STK32B: variants seen among roughly 807,000 people sequenced by gnomAD.
STK32B encodes the protein serine/threonine kinase 32B, also known as serine/threonine-protein kinase 32B.
In STK32B, 43 loss-of-function variants were observed where a neutral mutation model predicts 52.6. The observed-to-expected ratio is 0.82, with a 90% CI of 0.64 to 1.05. STK32B has a LOEUF of 1.05. Ranked by LOEUF, STK32B falls within the 50% of genes least tolerant of loss-of-function variation. The pLI, the probability that STK32B is intolerant of heterozygous loss-of-function variation, is 0.00. For synonymous variants in STK32B, 238 were observed against 204.3 expected, an observed-to-expected ratio of 1.17 and a Z score of -1.41; for missense variants, 621 against 534.6, an observed-to-expected ratio of 1.16 and a Z score of -1.59.
intron 3 of STK32B, among the ~76,000 whole-genome samples, chr4:5,251,423 A>C (rs1725919405): frequency 6.6e-6 from 1 of 151,980 alleles, no homozygotes; most frequent in Non-Finnish European, 1.5e-5. Flanking sequence ...TGGGCTCTGT[A>C]TTCTGTTCCA....
chr4:5,083,015 C>A (rs10025101), intron 1 of STK32B, among the ~76,000 whole-genome samples: 5,980 of 152,156 alleles, frequency 0.039, 383 homozygotes, highest in African/African-American at 0.14. Context: ...CTTTATTTTA[C>A]CTAGTTTTTG....
chr4:5,125,126 C>T (rs773687079), intron 1 of STK32B, among the ~76,000 whole-genome samples: 36 of 152,160 alleles, frequency 2.4e-4, no homozygotes, highest in Non-Finnish European at 4.3e-4. Flanking sequence ...CTGCAGGGAA[C>T]GGAATCCTGC....
chr4:5,051,959 C>T, intron 1 of STK32B, 44 bp downstream of exon 1: 1 of 1,556,074 alleles, frequency 6.4e-7, no homozygotes, highest in Non-Finnish European at 8.7e-7. Context: ...CGGGGCATCC[C>T]CTTCCTCCAC....
intron 4 of STK32B, among the ~76,000 whole-genome samples, chr4:5,364,786 C>T (rs1018078992): frequency 6.6e-6 from 1 of 152,174 alleles, no homozygotes; most frequent in African/African-American, 2.4e-5. Context: ...ACACATATAC[C>T]TTCAGGCCTC....
At chr4:5,309,777 T>C (rs1353887680) in intron 3 of STK32B, among the ~76,000 whole-genome samples, 2 of 152,206 alleles carry the variant, frequency 1.3e-5, no homozygotes, top group East Asian at 3.8e-4. Flanking sequence ...CTGTGAAACT[T>C]CTGGAAGAAA....
In STK32B at chr4:5,228,844, G is replaced by A. The variant is rs539777813; in HGVS notation, c.260+60394G>A. On this transcript the variant is annotated intron_variant, in intron 3 of 11. Transcript: ENST00000282908. ...TAGATGGGCATGGTGGTGGGTGCCT[G>A]TAATCCCAGCTACTCGGAAGCCTGA... 3.9e-5 allele frequency among the ~76,000 whole-genome samples: 6 copies of A among 152,234 alleles called. No homozygotes were observed. The South Asian group carries it at 1.0e-3, about 26-fold the overall frequency.
intron 11 of STK32B, among the ~76,000 whole-genome samples, chr4:5,487,915 T>G (rs1168005141): frequency 6.6e-6 from 1 of 152,202 alleles, no homozygotes; most frequent in Non-Finnish European, 1.5e-5. Flanking sequence ...CCTTAAAATT[T>G]ATCTAGTTTC....
intron 1 of STK32B, among the ~76,000 whole-genome samples, chr4:5,091,833 A>G (rs184854270): frequency 6.6e-6 from 1 of 152,348 alleles, no homozygotes; most frequent in Non-Finnish European, 1.5e-5. Flanking sequence ...GATAAACATA[A>G]TGTGGTGTAT....
intron 1 of STK32B, among the ~76,000 whole-genome samples, chr4:5,057,787 T>C (rs916292584): frequency 2.0e-5 from 3 of 152,168 alleles, no homozygotes; most frequent in Non-Finnish European, 4.4e-5. Flanking sequence ...TTATCTAAAA[T>C]CTGGACTTTG....
In STK32B at chr4:5,394,896, T is replaced by G. The variant is rs1381344542; in HGVS notation, c.435-3311T>G. On this transcript the variant is annotated intron_variant, in intron 4 of 11. Coordinates refer to ENST00000282908, the MANE Select transcript of STK32B (RefSeq NM_018401.3). This position sits in a 1 kb window ranked among gnomAD's most constrained non-coding sequence, Gnocchi z 4.2. The stretch of plus-strand genomic sequence containing the variant: ...ACAACTTAAAATAACTCACATTTAT[T>G]TTCCCTCCATTTCCGTGGCCCAGGA... 6.6e-6 allele frequency among the ~76,000 whole-genome samples: 1 copy of G among 152,218 alleles called. No individual in the cohort carries two copies. The highest frequency in any genetic ancestry group is 2.4e-5 in the African/African-American group (1 of 41,456).
chr4:5,068,899 T>C (rs939358047), intron 1 of STK32B, among the ~76,000 whole-genome samples: 1 of 152,228 alleles, frequency 6.6e-6, no homozygotes, highest in Non-Finnish European at 1.5e-5. Context: ...TAGTTACCTT[T>C]TGTGTGTGCA....
the STK32B span, among the ~76,000 whole-genome samples, chr4:5,028,234 A>C: frequency 1.3e-5 from 2 of 152,164 alleles, no homozygotes; most frequent in Non-Finnish European, 2.9e-5. Context: ...CATGGGCTTA[A>C]GTCATCCTCT....
intron 3 of STK32B, among the ~76,000 whole-genome samples, chr4:5,211,391 T>C (rs1210279695): frequency 6.6e-6 from 1 of 150,442 alleles, no homozygotes; most frequent in African/African-American, 2.5e-5. Flanking sequence ...TTCCTGGCAG[T>C]ACAGCTACCA....
rs953153659 is a variant in STK32B at position 5,121,178 on chromosome 4, T to C, written c.53-18727T>C. 4.6e-5 allele frequency among the ~76,000 whole-genome samples: 7 copies of C among 152,218 alleles called. 1 individual carries two copies. The highest frequency in any genetic ancestry group is 2.0e-4 in the Admixed American group (3 of 15,286). On this transcript the variant is annotated intron_variant, in intron 1 of 11. Transcript: ENST00000282908. The stretch of plus-strand genomic sequence containing the variant: ...CATTTATAGGTGAGAACAAATGATA[T>C]TTGGTTTTCCATTCTTGAATTACTT...
At chr4:5,159,158 C>T (rs1257475863) in intron 2 of STK32B, among the ~76,000 whole-genome samples, 3 of 152,174 alleles carry the variant, frequency 2.0e-5, no homozygotes, top group South Asian at 2.1e-4. Flanking sequence ...GGCTGGAGCA[C>T]GGCTGGGACA....
intron 2 of STK32B, among the ~76,000 whole-genome samples, chr4:5,163,581 TAAGA>T (rs1718626928): frequency 9.5e-6 from 1 of 104,778 alleles, no homozygotes; most frequent in Admixed American, 9.7e-5. Flanking sequence ...TGTGTGTGTG[TAAGA>T]GAGAGAGAGA....
chr4:5,130,080 A>G (rs915946471), intron 1 of STK32B, among the ~76,000 whole-genome samples: 2 of 152,098 alleles, frequency 1.3e-5, no homozygotes, highest in African/African-American at 2.4e-5. Flanking sequence ...AAACAGAAAT[A>G]AAAAATACAA....
intron 3 of STK32B, among the ~76,000 whole-genome samples, chr4:5,241,412 G>A (rs973329557): frequency 2.6e-5 from 4 of 152,146 alleles, no homozygotes; most frequent in African/African-American, 9.6e-5. Context: ...AAAGGTATTT[G>A]TTGTTGGATC....
At chr4:5,474,879 CT>C (rs1718115512) in intron 11 of STK32B, among the ~76,000 whole-genome samples, 2 of 152,302 alleles carry the variant, frequency 1.3e-5, no homozygotes, top group South Asian at 4.2e-4. Flanking sequence ...AGAGGGTTTA[CT>C]GCCCAATGAG....
Sources: allele counts gnomAD v4.1 joint callset (sites outside exome capture counted in the v4.1 genomes callset), GRCh38; gene constraint gnomAD v4.1.1; non-coding constraint Gnocchi (gnomAD v3.1); transcripts MANE v1.5; gene names NCBI Gene and HGNC (gene_info 2026-07-23, HGNC 2026-07-21).